Variants in INTS1 observed in about 807,000 individuals in gnomAD.
INTS1 encodes integrator complex subunit 1.
Under a neutral mutation model 241.6 loss-of-function variants are expected in INTS1, and 137 were observed. The observed-to-expected ratio is 0.57, with a 90% CI of 0.49 to 0.65. The LOEUF (loss-of-function observed/expected upper bound fraction) is 0.65, where lower values mean the gene tolerates loss of function less well. Ranked by LOEUF, INTS1 falls within the 30% of genes least tolerant of loss-of-function variation. The pLI is 0.00. For synonymous variants in INTS1, 1,692 were observed against 1,337.8 expected (o/e 1.26, Z -5.78); for missense variants, 3,073 against 3,032.2 (o/e 1.01, Z -0.32).
At position 1,487,454 on chromosome 7, in the gene INTS1, G is replaced by A; in HGVS notation, c.2517-5C>T. The A allele has an allele frequency of 6.2e-7, 1 of 1,610,084 alleles. No individual in the cohort carries two copies. Among genetic ancestry groups the A allele is most frequent in the Admixed American group, 1.7e-5 (1 of 59,824 alleles). The stretch of plus-strand genomic sequence containing the variant: ...GGAGGCCTCCGGGGGGGCCCCCTGA[G>A]GGCCACAGGGGACACGGTGCGTCAG... On this transcript the variant is annotated splice_region_variant and splice_polypyrimidine_tract_variant and intron_variant, in intron 19 of 47. Coordinates refer to ENST00000404767, the MANE Select transcript of INTS1 (RefSeq NM_001080453.3).
chr7:1,485,664 G>A (rs1271854574), intron 22 of INTS1, 195 bp from the exon 23 acceptor site: 4 of 621,780 alleles, frequency 6.4e-6, no homozygotes, highest in East Asian at 5.6e-5. Flanking sequence ...TCAAGTTCCT[G>A]AAGCCACTCT....
At chr7:1,498,945 C>A (rs747210537) in intron 8 of INTS1, 30 bp downstream of exon 8, 1 of 1,138,062 alleles carries the variant, frequency 8.8e-7, no homozygotes, top group South Asian at 1.3e-5. Flanking sequence ...CACCCCCTGC[C>A]CCGCCCACCC....
At position 1,480,878 on chromosome 7, in the gene INTS1, C is replaced by A; in HGVS notation, c.3906G>T (p.Gln1302His). The A allele has an allele frequency of 1.3e-6, 2 of 1,556,852 alleles. No individual in the cohort carries two copies. The highest frequency in any genetic ancestry group is 1.7e-6 in the Non-Finnish European group (2 of 1,151,242). ...VQHERGASGG[Q>H]TFHSLLTASL... Reference sequence around the variant, plus strand: ...AGGCTGTGAGCAAGGAGTGGAAAGTCTGGCCTCCGGAGGCGCCGCGCTCAT... The same window carrying A: ...AGGCTGTGAGCAAGGAGTGGAAAGTATGGCCTCCGGAGGCGCCGCGCTCAT... Residue 1302 changes from glutamine to histidine, a missense_variant, in exon 29 of 48, where the codon CAG becomes CAT. By Grantham distance (24) the Gln-to-His change is conservative. Coordinates refer to ENST00000404767, the MANE Select transcript of INTS1 (RefSeq NM_001080453.3).
At position 1,493,729 on chromosome 7, in the gene INTS1, G is replaced by A. The variant is rs750609840; in HGVS notation, c.2068+25C>T. 3 of 1,558,388 alleles carry A rather than the reference G, an allele frequency of 1.9e-6. No homozygotes were observed. Among genetic ancestry groups the A allele is most frequent in the South Asian group, 1.2e-5 (1 of 84,332 alleles). The stretch of plus-strand genomic sequence containing the variant: ...GACGAGGGGAGCAGACCCAGCACAG[G>A]CGCCATCCCCTGCAGAAGCCATACC... On this transcript the variant is annotated intron_variant, in intron 15 of 47. Transcript: ENST00000404767. This position sits in a 1 kb window ranked among gnomAD's most constrained non-coding sequence, Gnocchi z 5.3.
In INTS1 at chr7:1,478,841, C is replaced by T. The variant is rs760395432; in HGVS notation, c.4374G>A (p.Lys1458=). Residue 1458 remains lysine (K), a synonymous_variant, in exon 32 of 48, where the codon AAG becomes AAA. Transcript: ENST00000404767. ...QDTGFSSLFL[K]VLLQMLQWLD... ...GCCACTGCAGCATCTGCAGGAGCAC[C>T]TTCAGGAAGAGCGAGGAGAAGCCGG... The T allele has an allele frequency of 1.6e-5, 25 of 1,610,802 alleles. No individual in the cohort carries two copies. Among genetic ancestry groups the T allele is most frequent in the Non-Finnish European group, 2.1e-5 (25 of 1,178,852 alleles).
Position 1,485,092 on chromosome 7 carries a change from C to A in INTS1, c.3261+6G>T, listed in dbSNP as rs1782190389. ...GCCACACTGCTGGCTGACCCTGCTGCCTCACCAGGGCCAGGTCGCTGTGCT... is the reference window on the plus strand; with the variant it reads ...GCCACACTGCTGGCTGACCCTGCTGACTCACCAGGGCCAGGTCGCTGTGCT... On this transcript the variant is annotated splice_donor_region_variant and intron_variant, in intron 24 of 47. Transcript: ENST00000404767. 6.3e-7 allele frequency: 1 copy of A among 1,588,468 alleles called. No homozygotes were observed. Among genetic ancestry groups the A allele is most frequent in the African/African-American group, 1.3e-5 (1 of 74,666 alleles).
rs1173457590 is a variant in INTS1 at position 1,478,525 on chromosome 7, A to C, written c.4490-19T>G. The C allele has an allele frequency of 1.2e-6, 2 of 1,605,444 alleles. No individual in the cohort carries two copies. The highest frequency in any genetic ancestry group is 1.7e-6 in the Non-Finnish European group (2 of 1,176,922). On this transcript the variant is annotated intron_variant, in intron 32 of 47. Transcript: ENST00000404767. ...CCTCGCACTGTGGGAGGTCTGTGTG[A>C]GTGCCCTGTGGCTCCAGCCCTCACC...
At chr7:1,501,889 C>T (rs1475408236) in intron 3 of INTS1, among the ~76,000 whole-genome samples, 1 of 152,156 alleles carries the variant, frequency 6.6e-6, no homozygotes, top group East Asian at 1.9e-4. Flanking sequence ...GCCTCCATTC[C>T]CTGGGCACAG....
Position 1,473,609 on chromosome 7 carries a change from G to C in INTS1, c.5914C>G (p.Pro1972Ala), listed in dbSNP as rs1781575915. ...TTCTGCAGGAAGGAGATGGCTGCTG[G>C]GGCATTGTAGGTAATGTACTTATGG... Reference protein sequence around the residue: ...FIHKYITYNAPAAISFLQKHA... With the variant: ...FIHKYITYNAAAAISFLQKHA... Residue 1972 changes from proline (P) to alanine (A), a missense_variant, in exon 42 of 48, where the codon CCA becomes GCA. Physicochemically the swap from Pro to Ala is conservative, Grantham distance 27. Transcript: ENST00000404767. 6.2e-7 allele frequency: 1 copy of C among 1,611,440 alleles called. No homozygotes were observed. Among genetic ancestry groups the C allele is most frequent in the South Asian group, 1.1e-5 (1 of 90,552 alleles).
intron 20 of INTS1, 92 bp from the exon 21 acceptor site, chr7:1,487,193 C>T (rs1014621655): frequency 2.7e-5 from 41 of 1,506,958 alleles, no homozygotes; most frequent in Non-Finnish European, 3.6e-5. Flanking sequence ...GAAAGGGCGA[C>T]ACGCAGCAGC....
intron 19 of INTS1, 116 bp from the exon 20 acceptor site, chr7:1,487,565 A>G (rs1263707988): frequency 7.3e-7 from 1 of 1,378,644 alleles, no homozygotes; most frequent in East Asian, 2.5e-5. Flanking sequence ...CGGGCAACCC[A>G]TCCTGACCTG....
At chr7:1,492,866 G>A (rs368345609) in intron 16 of INTS1, 144 bp downstream of exon 16, 6 of 519,956 alleles carry the variant, frequency 1.2e-5, no homozygotes, top group Middle Eastern at 5.1e-4. Context: ...AGCGGGGCGC[G>A]GGCTTACCCG....
Position 1,476,553 on chromosome 7 carries a change from A to G in INTS1, c.5151+17T>C, listed in dbSNP as rs201902878. The G allele has an allele frequency of 7.4e-5, 120 of 1,611,738 alleles. No homozygotes were observed. The African/African-American group carries it at 1.4e-3, about 18-fold the overall frequency. On this transcript the variant is annotated intron_variant, in intron 37 of 47. Coordinates refer to ENST00000404767, the MANE Select transcript of INTS1 (RefSeq NM_001080453.3). ...GGCCACCCCCTCTCCCGGATGGGCC[A>G]CCCTCCCAAGACCTGCCTGCGGGGT...
Position 1,470,446 on chromosome 7 carries a change from G to A in INTS1, c.*131C>T, listed in dbSNP as rs1453911906. ...GGCTCGGAGTATTGCTCCTGGGCCT[G>A]CCTGGCCTCAGGGCTCGGCGCCCTC... On this transcript the variant is annotated 3_prime_UTR_variant, in exon 48 of 48. Coordinates refer to ENST00000404767, the MANE Select transcript of INTS1 (RefSeq NM_001080453.3). 6.0e-6 allele frequency: 4 copies of A among 663,184 alleles called. No homozygotes were observed. The East Asian group carries it at 1.2e-4, about 20-fold the overall frequency. 41.1% of individuals were successfully genotyped at this position (663,184 alleles called of 1,614,324 possible).
rs2128543353 is a variant in INTS1, at chr7:1,497,494, C to T, written c.1426-180G>A. 6.6e-6 allele frequency among the ~76,000 whole-genome samples: 1 copy of T among 152,252 alleles called. No individual in the cohort carries two copies. Among genetic ancestry groups the T allele is most frequent in the South Asian group, 2.1e-4 (1 of 4,828 alleles). ...CTGCCAGCCCTTGGCGAGCAGGGAT[C>T]ACATCTGATTCCCCTCTCTGAGAAC... On this transcript the variant is annotated intron_variant, in intron 10 of 47. Coordinates refer to ENST00000404767, the MANE Select transcript of INTS1 (RefSeq NM_001080453.3). This position sits in a 1 kb window ranked among gnomAD's most constrained non-coding sequence, Gnocchi z 5.3.
rs58696597 is a variant in INTS1 at position 1,489,345 on chromosome 7, T to TCAGGCCCTGCTCCCAGCCCC, written c.2316_2317insGGGGCTGGGAGCAGGGCCTG (p.Asn773GlyfsTer7). ...CGCCGAGGGGACGTGCGCACTCACT[T>TCAGGCCCTGCTCCCAGCCCC]GGTCATCACCATCTCCATGAGCATC... On this transcript the variant is annotated frameshift_variant and splice_region_variant, in exon 18 of 48. Transcript: ENST00000404767. LOFTEE classifies it high-confidence loss of function. 1.6e-5 allele frequency: 26 copies of TCAGGCCCTGCTCCCAGCCCC among 1,609,538 alleles called. No individual in the cohort carries two copies. Among genetic ancestry groups the TCAGGCCCTGCTCCCAGCCCC allele is most frequent in the South Asian group, 6.6e-5 (6 of 90,324 alleles).
Position 1,470,398 on chromosome 7 carries a change from C to T in INTS1, c.*179G>A. The T allele has an allele frequency of 7.6e-6, 4 of 524,778 alleles. No homozygotes were observed. The highest frequency in any genetic ancestry group is 3.3e-5 in the East Asian group (1 of 30,252). 32.5% of individuals were successfully genotyped at this position (524,778 alleles called of 1,614,324 possible). A position where few individuals can be genotyped will look rare whatever the true frequency, so the allele number is the denominator to read the frequency against. On this transcript the variant is annotated 3_prime_UTR_variant, in exon 48 of 48. Coordinates refer to ENST00000404767, the MANE Select transcript of INTS1 (RefSeq NM_001080453.3). ...CTTGCTGGACGGCCCCTGATGCCAG[C>T]GGCCGGCCCGGAGCCACCCCAGGGC... is the stretch of plus-strand genomic sequence containing the variant.
In INTS1 at chr7:1,485,395, C is replaced by T. The variant is rs371090231; in HGVS notation, c.3051G>A (p.Val1017=). ...AGCCCTGCAGCACATCTGTGTCCCC[C>T]ACATCCTCCTCCATGGGGGGCTCCT... is the stretch of plus-strand genomic sequence containing the variant. ...EEKEPPMEED[V]GDTDVLQGYQ... The change falls in exon 23 of 48, where the codon GTG becomes GTA. Residue 1017 remains valine, a synonymous_variant. Transcript: ENST00000404767. 1.2e-6 allele frequency: 2 copies of T among 1,612,856 alleles called. No individual in the cohort carries two copies. The highest frequency in any genetic ancestry group is 1.6e-4 in the Middle Eastern group (1 of 6,062).
rs1192382103 is a variant in INTS1, at chr7:1,490,244, C to A, written c.2166-562G>T. On this transcript the variant is annotated intron_variant, in intron 16 of 47. Transcript: ENST00000404767. ...GAGCACGCGAGGCTCAAGTGCAGTGCGGGATTCCGAAGTGCGTCCGACCAA... is the reference window on the plus strand; with the variant it reads ...GAGCACGCGAGGCTCAAGTGCAGTGAGGGATTCCGAAGTGCGTCCGACCAA... Among the ~76,000 whole-genome samples, 6 of 152,326 alleles carry A rather than the reference C, an allele frequency of 3.9e-5. 1 individual carries two copies. In the South Asian group the frequency reaches 6.2e-4, roughly 16 times the overall value.
Sources: allele counts gnomAD v4.1 joint callset (sites outside exome capture counted in the v4.1 genomes callset), GRCh38; gene constraint gnomAD v4.1.1; non-coding constraint Gnocchi (gnomAD v3.1); transcripts MANE v1.5; gene names NCBI Gene and HGNC (gene_info 2026-07-23, HGNC 2026-07-21).